Variants in SLIT3 observed in about 807,000 individuals in gnomAD.
SLIT3 encodes slit guidance ligand 3, also known as slit homolog 3 protein.
A neutral mutation model predicts 184.0 loss-of-function variants in SLIT3; 68 were observed. That is an observed-to-expected ratio of 0.37 (90% CI 0.30 to 0.45). SLIT3 has a LOEUF of 0.45. SLIT3 is among the 20% of genes least tolerant of loss of function. SLIT3 has a pLI of 1.00. For missense variants in SLIT3, 1,707 were observed against 2,026.0 expected, an observed-to-expected ratio of 0.84 and a Z score of 3.02; for synonymous variants, 831 against 828.6, an observed-to-expected ratio of 1.00 and a Z score of -0.05.
intron 3 of SLIT3, among the ~76,000 whole-genome samples, chr5:169,225,479 C>T (rs1024727143): frequency 4.6e-5 from 7 of 152,194 alleles, no homozygotes; most frequent in Non-Finnish European, 7.3e-5. Flanking sequence ...CGGCCAGGCA[C>T]GATGCTAGGT....
At chr5:169,095,227 C>T (rs1396291649) in intron 4 of SLIT3, among the ~76,000 whole-genome samples, 1 of 152,120 alleles carries the variant, frequency 6.6e-6, no homozygotes, top group African/African-American at 2.4e-5. Flanking sequence ...ACTGATCATC[C>T]CGGGAAGCAC....
chr5:168,682,134 C>T (rs1761610157), intron 32 of SLIT3, among the ~76,000 whole-genome samples: 1 of 152,318 alleles, frequency 6.6e-6, no homozygotes, highest in South Asian at 2.1e-4. Context: ...CTAGGGAGAC[C>T]ACCAGGGTGA....
At chr5:169,048,882 C>T (rs1757719999) in intron 4 of SLIT3, among the ~76,000 whole-genome samples, 1 of 152,130 alleles carries the variant, frequency 6.6e-6, no homozygotes, top group Non-Finnish European at 1.5e-5. Context: ...TTAAGATACT[C>T]TTCTTGAAAT....
rs1394125230 is a variant in SLIT3 at position 168,806,550 on chromosome 5, G to A, written c.831C>T (p.Ser277=). ...ACGTGCAGGGCGAAGGGCAGGAGATGGAGTTGGCATTGCAGGATGGGGGCT... is the reference window on the plus strand; with the variant it reads ...ACGTGCAGGGCGAAGGGCAGGAGATAGAGTTGGCATTGCAGGATGGGGGCT... ...HSEPPSCNAN[S]ISCPSPCTCS... is the part of the protein sequence containing the mutation. The change falls in exon 9 of 36, where the codon TCC becomes TCT. Residue 277 remains serine, a synonymous_variant. Coordinates refer to ENST00000519560, the MANE Select transcript of SLIT3 (RefSeq NM_003062.4). The A allele has an allele frequency of 4.3e-6, 7 of 1,614,200 alleles. No homozygotes were observed. Among genetic ancestry groups the A allele is most frequent in the Non-Finnish European group, 5.1e-6 (6 of 1,180,012 alleles).
intron 3 of SLIT3, 56 bp downstream of exon 3, chr5:169,244,649 C>G: frequency 6.6e-7 from 1 of 1,518,742 alleles, no homozygotes; most frequent in Non-Finnish European, 9.1e-7. Flanking sequence ...CAAAACAAAA[C>G]AAAAAACACT....
chr5:169,026,161 A>C (rs1162587642), intron 4 of SLIT3: 3 of 152,182 alleles, frequency 2.0e-5, no homozygotes, highest in African/African-American at 7.2e-5. Flanking sequence ...AGGAGAGGAG[A>C]TTAGGATATT....
chr5:168,695,160 C>T (rs1332461355), intron 28 of SLIT3, among the ~76,000 whole-genome samples: 1 of 152,186 alleles, frequency 6.6e-6, no homozygotes, highest in Non-Finnish European at 1.5e-5. Flanking sequence ...TATTCATCTT[C>T]CACAGCTTCC....
chr5:168,665,804 C>A lies in SLIT3; in HGVS notation c.*650G>T, dbSNP rs555307245. 2 of 152,376 alleles carry A rather than the reference C, an allele frequency of 1.3e-5. No homozygotes were observed. Among genetic ancestry groups the A allele is most frequent in the South Asian group, 4.1e-4 (2 of 4,822 alleles). 9.4% of individuals were successfully genotyped at this position (152,376 alleles called of 1,614,324 possible). A position where few individuals can be genotyped will look rare whatever the true frequency, so the allele number is the denominator to read the frequency against. ...GGGGGTCTGGGACAGACAGGGACAG[C>A]AATATTTTTGAGTGGCAGTGAGACT... On this transcript the variant is annotated 3_prime_UTR_variant, in exon 36 of 36. Transcript: ENST00000519560.
intron 3 of SLIT3, among the ~76,000 whole-genome samples, chr5:169,208,543 G>C (rs1005610576): frequency 1.3e-5 from 2 of 152,138 alleles, no homozygotes; most frequent in Admixed American, 6.5e-5. Flanking sequence ...TACACTAATA[G>C]GCTACAGTAA....
intron 4 of SLIT3, among the ~76,000 whole-genome samples, chr5:168,918,054 G>T (rs1211782258): frequency 6.6e-6 from 1 of 152,154 alleles, no homozygotes; most frequent in Non-Finnish European, 1.5e-5. Context: ...TCTTCAGTTA[G>T]CCCTGAAGAG....
chr5:168,681,952 G>C (rs75164286), intron 32 of SLIT3, among the ~76,000 whole-genome samples: 4,396 of 152,280 alleles, frequency 0.029, 226 homozygotes, highest in African/African-American at 0.099. Flanking sequence ...ACATGGGAAG[G>C]GGGAGGGGGA....
intron 4 of SLIT3, among the ~76,000 whole-genome samples, chr5:169,137,023 G>A (rs1361551054): frequency 6.6e-6 from 1 of 152,098 alleles, no homozygotes; most frequent in African/African-American, 2.4e-5. Context: ...CACCTGGCCA[G>A]TTTCTTTGTC....
intron 27 of SLIT3, among the ~76,000 whole-genome samples, chr5:168,699,893 T>A (rs1201881465): frequency 2.0e-5 from 3 of 152,192 alleles, no homozygotes; most frequent in Non-Finnish European, 4.4e-5. Context: ...CGGGCAGTCT[T>A]TAAGCCTTCA....
intron 12 of SLIT3, among the ~76,000 whole-genome samples, chr5:168,776,702 T>C (rs1755760666): frequency 6.6e-6 from 1 of 152,174 alleles, no homozygotes; most frequent in Non-Finnish European, 1.5e-5. Flanking sequence ...TAAATTTTAG[T>C]CAGTGTCACT....
chr5:169,210,130 G>A (rs990019673), intron 3 of SLIT3, among the ~76,000 whole-genome samples: 9 of 152,038 alleles, frequency 5.9e-5, no homozygotes, highest in African/African-American at 2.2e-4. Flanking sequence ...GGGAGAAATC[G>A]CTATGGCAGA....
intron 20 of SLIT3, among the ~76,000 whole-genome samples, chr5:168,728,539 A>G (rs771979005): frequency 5.3e-5 from 8 of 152,120 alleles, no homozygotes; most frequent in South Asian, 4.1e-4. Context: ...GATGCAAGAG[A>G]AATCTGAAAA....
intron 4 of SLIT3, among the ~76,000 whole-genome samples, chr5:169,006,894 A>T (rs1478471468): frequency 6.6e-6 from 1 of 152,184 alleles, no homozygotes; most frequent in East Asian, 1.9e-4. Flanking sequence ...TGCCCTGGGC[A>T]CTTGGTAAGC....
chr5:169,030,873 G>A (rs949598486), intron 4 of SLIT3, among the ~76,000 whole-genome samples: 12 of 152,148 alleles, frequency 7.9e-5, no homozygotes, highest in Non-Finnish European at 1.6e-4. Context: ...AATAGAATAC[G>A]GCTTTCTAAT....
intron 4 of SLIT3, among the ~76,000 whole-genome samples, chr5:168,968,911 T>C (rs1362779276): frequency 6.6e-6 from 1 of 152,208 alleles, no homozygotes; most frequent in Non-Finnish European, 1.5e-5. Flanking sequence ...CAATGTCTAC[T>C]GTGCACTGAT....
Sources: allele counts gnomAD v4.1 joint callset (sites outside exome capture counted in the v4.1 genomes callset), GRCh38; gene constraint gnomAD v4.1.1; transcripts MANE v1.5; gene names NCBI Gene and HGNC (gene_info 2026-07-23, HGNC 2026-07-21).